PHF21A: variants seen among roughly 807,000 people sequenced by gnomAD.
PHF21A encodes the protein BHC80a.
In PHF21A, 11 loss-of-function variants were observed where a neutral mutation model predicts 82.5. The observed-to-expected ratio is 0.13, with a 90% CI of 0.08 to 0.22. PHF21A has a LOEUF of 0.22. Among genes scored for constraint, PHF21A ranks in the 10% least tolerant of loss-of-function variants. PHF21A has a pLI of 1.00. For missense variants in PHF21A, 579 were observed against 837.8 expected, an observed-to-expected ratio of 0.69 and a Z score of 3.81; for synonymous variants, 297 against 302.8, an observed-to-expected ratio of 0.98 and a Z score of 0.20.
chr11:45,933,977 C>A lies in PHF21A; in HGVS notation c.2037G>T (p.Glu679Asp). 1 of 1,561,592 alleles carries A rather than the reference C, an allele frequency of 6.4e-7. No individual in the cohort carries two copies. The highest frequency in any genetic ancestry group is 8.7e-7 in the Non-Finnish European group (1 of 1,155,946). The change falls in exon 19 of 19, where the codon GAG (glutamate) becomes GAT (aspartate). Residue 679 changes from glutamate to aspartate, a missense_variant. Glu to Asp is a conservative substitution (Grantham distance 45). Around this residue, in one of 3 missense-constraint regions of PHF21A, gnomAD observed 157 missense variants for 149.4 expected, o/e 1.05. Transcript: ENST00000676320. ...SCTANCNQGEETK is the reference protein window; with the variant it reads ...SCTANCNQGEDTK ...TCCTAGAGGGGCTCTGTTATTTAGT[C>A]TCTTCCCCCTGGTTACAGTTCGCTG...
At chr11:45,958,427 T>A (rs1189464996) in intron 10 of PHF21A, among the ~76,000 whole-genome samples, 166 of 14,018 alleles carry the variant, frequency 0.012, 1 homozygote, top group East Asian at 0.067. Flanking sequence ...AAAATATATA[T>A]ATATATATAT....
At chr11:46,049,200 T>C (rs2096305768) in intron 6 of PHF21A, among the ~76,000 whole-genome samples, 1 of 151,948 alleles carries the variant, frequency 6.6e-6, no homozygotes, top group African/African-American at 2.4e-5. Flanking sequence ...CACAAACTAA[T>C]GTTGTTCCCA....
chr11:46,055,646 A>C (rs1284347118), intron 6 of PHF21A, among the ~76,000 whole-genome samples: 3 of 152,156 alleles, frequency 2.0e-5, no homozygotes, highest in Non-Finnish European at 4.4e-5. Context: ...CCAAGTCTAT[A>C]CATTACATCA....
At chr11:46,042,205 G>A (rs1169266583) in intron 6 of PHF21A, among the ~76,000 whole-genome samples, 1 of 152,016 alleles carries the variant, frequency 6.6e-6, no homozygotes, top group African/African-American at 2.4e-5. Context: ...CACATCTTGG[G>A]GCCTGTGGGA....
chr11:45,997,719 T>C (rs1187130431), intron 6 of PHF21A, among the ~76,000 whole-genome samples: 2 of 152,224 alleles, frequency 1.3e-5, no homozygotes, highest in Non-Finnish European at 2.9e-5. Flanking sequence ...GGATCTGTTG[T>C]TCTGACTCAT....
At chr11:46,085,864 T>G (rs2096850566) in intron 3 of PHF21A, among the ~76,000 whole-genome samples, 2 of 152,034 alleles carry the variant, frequency 1.3e-5, no homozygotes, top group African/African-American at 4.8e-5. Flanking sequence ...TCATTAGGCA[T>G]AAAACATCAG....
At chr11:46,064,872 A>G (rs1474924179) in intron 6 of PHF21A, among the ~76,000 whole-genome samples, 2 of 152,352 alleles carry the variant, frequency 1.3e-5, no homozygotes, top group Middle Eastern at 3.4e-3. Context: ...GCTTTGGCAA[A>G]GAGTAAAATT....
chr11:45,964,984 C>T (rs2093346132), intron 10 of PHF21A, among the ~76,000 whole-genome samples: 1 of 152,200 alleles, frequency 6.6e-6, no homozygotes, highest in Non-Finnish European at 1.5e-5. Flanking sequence ...CCGAAACTAA[C>T]ATGGCGTTTT....
At chr11:46,004,399 G>A (rs910413483) in intron 6 of PHF21A, among the ~76,000 whole-genome samples, 2 of 152,124 alleles carry the variant, frequency 1.3e-5, no homozygotes, top group African/African-American at 4.8e-5. Context: ...AAAGGAAATG[G>A]ATTTCACTTT....
At chr11:46,058,557 A>G (rs901225375) in intron 6 of PHF21A, among the ~76,000 whole-genome samples, 5 of 152,234 alleles carry the variant, frequency 3.3e-5, no homozygotes, top group Admixed American at 3.3e-4. Flanking sequence ...TCAAGGTAAA[A>G]ATTCCATCTA....
In PHF21A at chr11:45,965,462, G is replaced by C. The variant is rs1341083993; in HGVS notation, c.849C>G (p.His283Gln). 1 of 1,613,956 alleles carries C rather than the reference G, an allele frequency of 6.2e-7. No homozygotes were observed. The highest frequency in any genetic ancestry group is 8.5e-7 in the Non-Finnish European group (1 of 1,180,022). ...TCTGCCCATTGACGACACGGACGGG[G>C]TGGATGGAATTCTGGGATGTGGGAA... The part of the protein sequence containing the change: ...TTLPTSQNSI[H>Q]PVRVVNGQTA... Residue 283 changes from histidine (H) to glutamine (Q), a missense_variant, in exon 10 of 19, where the codon CAC becomes CAG. Physicochemically the swap from His to Gln is conservative, Grantham distance 24. Transcript: ENST00000676320.
intron 6 of PHF21A, among the ~76,000 whole-genome samples, chr11:46,068,276 G>A (rs540997645): frequency 7.2e-5 from 11 of 151,960 alleles, no homozygotes; most frequent in African/African-American, 2.7e-4. Context: ...AAATATATGT[G>A]GAATAAAACA....
At chr11:45,985,256 G>C (rs570186479) in intron 6 of PHF21A, among the ~76,000 whole-genome samples, 2 of 152,208 alleles carry the variant, frequency 1.3e-5, no homozygotes, top group African/African-American at 2.4e-5. Flanking sequence ...ATGCAGGAAG[G>C]AGACAGGGCA....
At chr11:46,075,318 C>G (rs1012006066) in intron 6 of PHF21A, among the ~76,000 whole-genome samples, 2 of 152,160 alleles carry the variant, frequency 1.3e-5, no homozygotes, top group African/African-American at 4.8e-5. Flanking sequence ...ACAGCATCCC[C>G]CAACCCCTAC....
At chr11:45,991,929 G>A (rs559884879) in intron 6 of PHF21A, among the ~76,000 whole-genome samples, 21 of 152,224 alleles carry the variant, frequency 1.4e-4, no homozygotes, top group Non-Finnish European at 2.5e-4. Flanking sequence ...TCTCACTCAC[G>A]TGAACATGTA....
intron 10 of PHF21A, among the ~76,000 whole-genome samples, chr11:45,957,105 T>G (rs774192443): frequency 1.1e-4 from 16 of 152,172 alleles, no homozygotes; most frequent in Non-Finnish European, 2.1e-4. Context: ...TAATCATATA[T>G]GTACCAGACA....
chr11:46,035,205 C>T (rs1035737315), intron 6 of PHF21A, among the ~76,000 whole-genome samples: 3 of 152,192 alleles, frequency 2.0e-5, no homozygotes, highest in Non-Finnish European at 2.9e-5. Flanking sequence ...CTAGGAGCCT[C>T]ACTTGATATT....
rs1372255160 is a variant in PHF21A, at chr11:45,971,247, C to A, written c.481G>T (p.Ala161Ser). ...GQRPTIAMVT[A>S]INSQKAVLST... The stretch of plus-strand genomic sequence containing the variant: ...AGCACAGCCTTCTGACTGTTGATGG[C>A]GGTCACCATAGCAATGGTAGGTCTC... The change falls in exon 8 of 19, where the codon GCC becomes TCC. Residue 161 changes from alanine to serine, a missense_variant. Physicochemically the swap from Ala to Ser is moderately conservative, Grantham distance 99. Transcript: ENST00000676320. 7 of 1,614,006 alleles carry A rather than the reference C, an allele frequency of 4.3e-6. No individual in the cohort carries two copies. Among genetic ancestry groups the A allele is most frequent in the Non-Finnish European group, 5.9e-6 (7 of 1,180,046 alleles).
intron 1 of PHF21A, among the ~76,000 whole-genome samples, chr11:46,113,848 A>C (rs1439597965): frequency 6.6e-6 from 1 of 151,644 alleles, no homozygotes; most frequent in Admixed American, 6.6e-5. Context: ...AAAAAAGTTT[A>C]ATTGTTTTAA....
Sources: allele counts gnomAD v4.1 joint callset (sites outside exome capture counted in the v4.1 genomes callset), GRCh38; gene constraint gnomAD v4.1.1; regional missense constraint gnomAD v4.1.1; transcripts MANE v1.5; gene names NCBI Gene and HGNC (gene_info 2026-07-23, HGNC 2026-07-21).